NEK11: variants seen among roughly 807,000 people sequenced by gnomAD.
NEK11 encodes NIMA related kinase 11.
A neutral mutation model predicts 80.7 loss-of-function variants in NEK11; 72 were observed. That is an observed-to-expected ratio of 0.89 (90% CI 0.74 to 1.08). The LOEUF is 1.08. Among genes scored for constraint, NEK11 ranks in the 50% least tolerant of loss-of-function variants. NEK11 has a pLI of 0.00. For missense variants in NEK11, 764 were observed against 763.6 expected (o/e 1.00, Z -0.01); for synonymous variants, 251 against 260.7 (o/e 0.96, Z 0.36).
chr3:131,037,634 C>T lies in NEK11; in HGVS notation c.170+7756C>T, dbSNP rs564696249. Among the ~76,000 whole-genome samples the T allele has an allele frequency of 2.6e-5, 4 of 152,294 alleles. No homozygotes were observed. The South Asian group carries it at 8.3e-4, about 32-fold the overall frequency. On this transcript the variant is annotated intron_variant, in intron 3 of 17. Transcript: ENST00000383366. ...GGGTTTTTGTAATATTAAAAATACA[C>T]TTTCAATAATTCAGATTGTGACTGT...
At chr3:131,038,941 G>A (rs1301772544) in intron 3 of NEK11, among the ~76,000 whole-genome samples, 1 of 152,136 alleles carries the variant, frequency 6.6e-6, no homozygotes, top group Non-Finnish European at 1.5e-5. Context: ...TCATTTAAAT[G>A]TATGAGATAG....
intron 14 of NEK11, among the ~76,000 whole-genome samples, chr3:131,189,756 A>C (rs1201109410): frequency 6.6e-6 from 1 of 152,216 alleles, no homozygotes; most frequent in Non-Finnish European, 1.5e-5. Flanking sequence ...CATTTGGGTC[A>C]AATGCCATAA....
chr3:131,317,812 A>ATGAGGGGGAG (rs2096857682), intron 17 of NEK11, among the ~76,000 whole-genome samples: 1 of 2,318 alleles, frequency 4.3e-4, no homozygotes, highest in Non-Finnish European at 1.5e-3. Flanking sequence ...GGAGGAGAGG[A>ATGAGGGGGAG]GGAGGGGGAG....
chr3:131,190,604 A>G (rs913002650), intron 14 of NEK11, among the ~76,000 whole-genome samples: 6 of 152,110 alleles, frequency 3.9e-5, no homozygotes, highest in Non-Finnish European at 1.5e-5. Context: ...CTGGCACAAC[A>G]CTTGCTGTAC....
chr3:131,344,539 C>T (rs529090845), intron 17 of NEK11, among the ~76,000 whole-genome samples: 28 of 152,304 alleles, frequency 1.8e-4, no homozygotes, highest in African/African-American at 6.0e-4. Flanking sequence ...TATAGCAATG[C>T]CCCTCTCCTT....
At chr3:131,118,195 GTT>G (rs2081641734) in intron 5 of NEK11, among the ~76,000 whole-genome samples, 1 of 152,084 alleles carries the variant, frequency 6.6e-6, no homozygotes, top group Admixed American at 6.6e-5. Flanking sequence ...GGCTGTTGAA[GTT>G]TGTCGAAGGC....
intron 4 of NEK11, among the ~76,000 whole-genome samples, chr3:131,084,392 A>T (rs551373423): frequency 1.3e-5 from 2 of 152,356 alleles, no homozygotes; most frequent in Admixed American, 6.5e-5. Flanking sequence ...AATGGTAATG[A>T]TAAAATATTG....
chr3:131,088,946 A>C (rs1365275028), intron 4 of NEK11, among the ~76,000 whole-genome samples: 1 of 152,132 alleles, frequency 6.6e-6, no homozygotes, highest in Non-Finnish European at 1.5e-5. Flanking sequence ...ATGACAAAGG[A>C]TCTCCTCCCT....
At chr3:131,134,985 C>T (rs2085283779) in intron 7 of NEK11, among the ~76,000 whole-genome samples, 1 of 152,152 alleles carries the variant, frequency 6.6e-6, no homozygotes, top group East Asian at 1.9e-4. Context: ...TAAATAATTA[C>T]TGTATGCAAA....
intron 16 of NEK11, among the ~76,000 whole-genome samples, chr3:131,269,535 C>G: frequency 6.6e-6 from 1 of 152,190 alleles, no homozygotes; most frequent in East Asian, 1.9e-4. Context: ...CACCCTGCTT[C>G]AGCTCACCCT....
intron 16 of NEK11, among the ~76,000 whole-genome samples, chr3:131,244,865 G>A (rs760502334): frequency 3.3e-5 from 5 of 152,018 alleles, no homozygotes; most frequent in Non-Finnish European, 5.9e-5. Context: ...TTTAGGCTGC[G>A]GTGAGTTGTG....
At chr3:131,219,214 TA>T (rs1205353103) in intron 14 of NEK11, among the ~76,000 whole-genome samples, 8 of 152,102 alleles carry the variant, frequency 5.3e-5, no homozygotes, top group African/African-American at 1.4e-4. Context: ...TATGCAGCCA[TA>T]AAAAAGGATG....
chr3:131,179,715 T>C (rs2093241577), intron 14 of NEK11, among the ~76,000 whole-genome samples: 1 of 152,196 alleles, frequency 6.6e-6, no homozygotes, highest in Admixed American at 6.5e-5. Context: ...ACATATACCA[T>C]ATTTCATCCA....
In NEK11 at chr3:131,182,326, A is replaced by G. The variant is rs922483848; in HGVS notation, c.1399+11439A>G. On this transcript the variant is annotated intron_variant, in intron 14 of 17. Transcript: ENST00000383366. ...AGATCCAAAATGATCGTTGCATTTC[A>G]TAATAGTGTGTATAAGTGTGAGCAG... 7.9e-5 allele frequency among the ~76,000 whole-genome samples: 12 copies of G among 152,230 alleles called. No individual in the cohort carries two copies. The East Asian group carries it at 2.3e-3, about 29-fold the overall frequency.
intron 17 of NEK11, among the ~76,000 whole-genome samples, chr3:131,285,041 A>T (rs935846320): frequency 6.6e-5 from 10 of 152,202 alleles, no homozygotes; most frequent in African/African-American, 2.4e-4. Context: ...ACTCCTATTC[A>T]TCCAAATCTT....
intron 17 of NEK11, among the ~76,000 whole-genome samples, chr3:131,302,515 C>T (rs1220472340): frequency 6.6e-6 from 1 of 152,142 alleles, no homozygotes; most frequent in Non-Finnish European, 1.5e-5. Context: ...CTTAACACTA[C>T]TTTAGCTGTG....
chr3:131,120,421 C>T (rs1316644985), intron 5 of NEK11, among the ~76,000 whole-genome samples: 1 of 152,170 alleles, frequency 6.6e-6, no homozygotes, highest in Non-Finnish European at 1.5e-5. Context: ...ATTTTTTCCT[C>T]ATTTCAACTT....
At chr3:131,117,584 A>G (rs1004671870) in intron 5 of NEK11, among the ~76,000 whole-genome samples, 1 of 151,954 alleles carries the variant, frequency 6.6e-6, no homozygotes, top group Non-Finnish European at 1.5e-5. Context: ...CATTTTCACG[A>G]TATTGATTCT....
chr3:131,236,610 G>A (rs559641574), intron 15 of NEK11, among the ~76,000 whole-genome samples: 3 of 152,276 alleles, frequency 2.0e-5, no homozygotes, highest in South Asian at 2.1e-4. Flanking sequence ...TCAGCAATTC[G>A]GAATTCAGTG....
Sources: gnomAD v4.1 joint callset for allele counts (sites outside exome capture counted in the v4.1 genomes callset) on GRCh38, gnomAD v4.1.1 for gene constraint, MANE v1.5 for transcripts, NCBI Gene and HGNC (gene_info 2026-07-23, HGNC 2026-07-21) for gene names.